Variants in CDH23 observed in about 807,000 individuals in gnomAD.
CDH23 encodes the protein cadherin related 23, also known as cadherin-23.
CDH23 carries 189 observed loss-of-function variants against 317.1 expected under a neutral mutation model. The ratio of observed to expected loss-of-function variants is 0.60; its 90% confidence interval spans 0.53 to 0.67. The LOEUF is 0.67. Ranked by LOEUF, CDH23 falls within the 30% of genes least tolerant of loss-of-function variation. The pLI, the probability that CDH23 is intolerant of heterozygous loss-of-function variation, is 0.00. For synonymous variants in CDH23, 1,839 were observed against 1,876.8 expected (o/e 0.98, Z 0.52); for missense variants, 4,401 against 4,592.4 (o/e 0.96, Z 1.20).
intron 8 of CDH23, among the ~76,000 whole-genome samples, chr10:71,571,717 C>T (rs925165380): frequency 1.3e-5 from 2 of 152,220 alleles, no homozygotes; most frequent in Non-Finnish European, 2.9e-5. Flanking sequence ...TAGGCAGTCA[C>T]AATCCCTGGT....
chr10:71,760,262 T>C (rs1840336593), intron 38 of CDH23, among the ~76,000 whole-genome samples: 1 of 112,966 alleles, frequency 8.9e-6, no homozygotes, highest in African/African-American at 3.0e-5. Context: ...TATATATATG[T>C]ATATACATAT....
chr10:71,718,536 G>A (rs1413949872), intron 28 of CDH23, among the ~76,000 whole-genome samples: 2 of 152,276 alleles, frequency 1.3e-5, no homozygotes, highest in Non-Finnish European at 2.9e-5. Flanking sequence ...TTGAGTCTGA[G>A]CAGGGAGGAG....
chr10:71,404,756 C>T (rs1052292792), intron 1 of CDH23, among the ~76,000 whole-genome samples: 5 of 152,240 alleles, frequency 3.3e-5, no homozygotes, highest in South Asian at 2.1e-4. Context: ...GCCAATCAGC[C>T]GAAGAGGGTG....
chr10:71,511,063 G>A, intron 5 of CDH23, 57 bp from the exon 6 acceptor site: 1 of 1,611,944 alleles, frequency 6.2e-7, no homozygotes, highest in Non-Finnish European at 8.5e-7. Flanking sequence ...TGGACCCCTA[G>A]GGTGGAAGAG....
intron 11 of CDH23, among the ~76,000 whole-genome samples, chr10:71,635,743 G>T (rs1454812636): frequency 2.6e-5 from 4 of 152,006 alleles, no homozygotes; most frequent in African/African-American, 9.7e-5. Context: ...AGGAAAGGAA[G>T]AGGAGAGAGA....
intron 3 of CDH23, among the ~76,000 whole-genome samples, chr10:71,509,119 C>T (rs1036000951): frequency 6.6e-6 from 1 of 152,188 alleles, no homozygotes; most frequent in Non-Finnish European, 1.5e-5. Flanking sequence ...CCTCTCAATC[C>T]CCTTCTTGAG....
intron 3 of CDH23, among the ~76,000 whole-genome samples, chr10:71,460,270 C>T (rs1223596599): frequency 6.6e-6 from 1 of 152,210 alleles, no homozygotes; most frequent in African/African-American, 2.4e-5. Context: ...CCTTACTTGC[C>T]TTCATAACAC....
chr10:71,604,052 T>A (rs899251120), intron 9 of CDH23, among the ~76,000 whole-genome samples: 5 of 152,198 alleles, frequency 3.3e-5, no homozygotes, highest in African/African-American at 1.2e-4. Flanking sequence ...GACTGGCCAG[T>A]GGTGTGACTT....
intron 6 of CDH23, among the ~76,000 whole-genome samples, chr10:71,566,064 G>A (rs894628809): frequency 2.6e-5 from 4 of 152,194 alleles, no homozygotes; most frequent in African/African-American, 9.7e-5. Flanking sequence ...GGGGGAGACG[G>A]GAATGGACCA....
chr10:71,604,427 C>T (rs550241061), intron 9 of CDH23, among the ~76,000 whole-genome samples: 12 of 152,346 alleles, frequency 7.9e-5, no homozygotes, highest in African/African-American at 2.6e-4. Flanking sequence ...CCACAAGAAA[C>T]GTCAGCCCTT....
chr10:71,525,512 C>T (rs528816332), intron 6 of CDH23, among the ~76,000 whole-genome samples: 185 of 152,264 alleles, frequency 1.2e-3, no homozygotes, highest in African/African-American at 4.3e-3. Flanking sequence ...GAGGGCCAGC[C>T]GTGGGCAGAG....
At chr10:71,776,789 C>T (rs1464979940) in intron 38 of CDH23, among the ~76,000 whole-genome samples, 2 of 152,210 alleles carry the variant, frequency 1.3e-5, no homozygotes, top group Non-Finnish European at 2.9e-5. Flanking sequence ...GGAAGAAACA[C>T]CCCCGCCTCT....
In CDH23 at chr10:71,751,920, CCCTG is replaced by C. The variant is rs1840014479; in HGVS notation, c.4845+10002_4845+10005del. 6.7e-7 allele frequency: 1 copy of C among 1,496,282 alleles called. No homozygotes were observed. Among genetic ancestry groups the C allele is most frequent in the African/African-American group, 1.4e-5 (1 of 72,128 alleles). 92.7% of individuals were successfully genotyped at this position (1,496,282 alleles called of 1,614,324 possible). Reference sequence around the variant, plus strand: ...CTGTCCGGAGCGTGAACTCTGCCCTCCCTGCCCCCAGTTTTTCTCTCCTCCCTTT... The same window carrying C: ...CTGTCCGGAGCGTGAACTCTGCCCTCCCCCCAGTTTTTCTCTCCTCCCTTT... On this transcript the variant is annotated intron_variant, in intron 38 of 69. Coordinates refer to ENST00000224721, the MANE Select transcript of CDH23 (RefSeq NM_022124.6). The surrounding 1 kb of genome is among the most constrained non-coding windows in gnomAD (Gnocchi z 4.9).
intron 24 of CDH23, among the ~76,000 whole-genome samples, chr10:71,703,146 C>T (rs545225663): frequency 5.2e-4 from 79 of 152,292 alleles, no homozygotes; most frequent in African/African-American, 1.8e-3. Flanking sequence ...TGCCCAAGAC[C>T]CCTTGGCCAA....
rs1054643212 is a variant in CDH23, at chr10:71,556,119, C to G, written c.430-10623C>G. ...GCACATAGAATAGCTGAACTGAAAT[C>G]GAGGACCTCAGTGGAGCAGTAGTGA... On this transcript the variant is annotated intron_variant, in intron 6 of 69. Coordinates refer to ENST00000224721, the MANE Select transcript of CDH23 (RefSeq NM_022124.6). Among the ~76,000 whole-genome samples the G allele has an allele frequency of 2.6e-5, 4 of 152,268 alleles. No homozygotes were observed. In the South Asian group the frequency reaches 6.2e-4, roughly 24 times the overall value.
In CDH23 at chr10:71,725,490, C is replaced by A; in HGVS notation, c.3549C>A (p.His1183Gln). The change falls in exon 30 of 70, where the codon CAC (histidine) becomes CAA (glutamine). Residue 1183 changes from histidine to glutamine, a missense_variant. Physicochemically the swap from His to Gln is conservative, Grantham distance 24 (BLOSUM62 0). Transcript: ENST00000224721. ...TGCTGATAGTGGAGGCCTACAACCACGACCTGGGCCCCATGCGGAGCTCCG... is the reference window on the plus strand; with the variant it reads ...TGCTGATAGTGGAGGCCTACAACCAAGACCTGGGCCCCATGCGGAGCTCCG... Reference protein sequence around the residue: ...SHVLIVEAYNHDLGPMRSSVR... With the variant: ...SHVLIVEAYNQDLGPMRSSVR... 6.2e-7 allele frequency: 1 copy of A among 1,613,824 alleles called. No individual in the cohort carries two copies. Among genetic ancestry groups the A allele is most frequent in the African/African-American group, 1.3e-5 (1 of 75,064 alleles).
intron 3 of CDH23, among the ~76,000 whole-genome samples, chr10:71,487,583 T>G (rs967918628): frequency 2.6e-5 from 4 of 152,212 alleles, no homozygotes; most frequent in African/African-American, 9.7e-5. Context: ...TTTAAATGAA[T>G]CAAATAATTA....
intron 6 of CDH23, among the ~76,000 whole-genome samples, chr10:71,550,995 A>G (rs866503892): frequency 1.3e-5 from 2 of 152,218 alleles, no homozygotes; most frequent in South Asian, 2.1e-4. Context: ...ACATATACAC[A>G]TATTTGCAAG....
chr10:71,496,295 TG>T (rs1304899622), intron 3 of CDH23, among the ~76,000 whole-genome samples: 1 of 152,024 alleles, frequency 6.6e-6, no homozygotes, highest in Non-Finnish European at 1.5e-5. Context: ...ATATTGGGAT[TG>T]GAAAATTTTG....
Sources: gnomAD v4.1 joint callset for allele counts (sites outside exome capture counted in the v4.1 genomes callset) on GRCh38, gnomAD v4.1.1 for gene constraint, Gnocchi (gnomAD v3.1) non-coding constraint, MANE v1.5 for transcripts, NCBI Gene and HGNC (gene_info 2026-07-23, HGNC 2026-07-21) for gene names.